The following COL19A1 variants were observed in gnomAD, a reference collection of about 807,000 sequenced individuals.
COL19A1 encodes the protein collagen type XIX alpha 1 chain.
Under a neutral mutation model 190.2 loss-of-function variants are expected in COL19A1, and 159 were observed. The observed-to-expected ratio is 0.84, with a 90% CI of 0.73 to 0.95. COL19A1 has a LOEUF of 0.95. COL19A1 is among the 40% of genes least tolerant of loss of function. The pLI is 0.00. For missense variants in COL19A1, 1,418 were observed against 1,431.9 expected, an observed-to-expected ratio of 0.99 and a Z score of 0.16; for synonymous variants, 509 against 458.9, an observed-to-expected ratio of 1.11 and a Z score of -1.39.
At chr6:70,179,271 A>T (rs1766016406) in intron 42 of COL19A1, among the ~76,000 whole-genome samples, 1 of 152,084 alleles carries the variant, frequency 6.6e-6, no homozygotes, top group Admixed American at 6.5e-5. Context: ...TATTTCTCCA[A>T]AACCTACTTG....
At chr6:69,957,780 A>C (rs1460730579) in intron 9 of COL19A1, among the ~76,000 whole-genome samples, 1 of 152,186 alleles carries the variant, frequency 6.6e-6, no homozygotes, top group Non-Finnish European at 1.5e-5. Context: ...TTATTTTATG[A>C]ATAGAATTAA....
rs552865129 is a variant in COL19A1, at chr6:69,985,404, G to A, written c.1026+22534G>A. Reference sequence around the variant, plus strand: ...ATCCAGAGGTCTATGGTCCAGTGGCGAGTTCAGCAACATTAGCAAAGGGGG... The same window carrying A: ...ATCCAGAGGTCTATGGTCCAGTGGCAAGTTCAGCAACATTAGCAAAGGGGG... On this transcript the variant is annotated intron_variant, in intron 11 of 50. Transcript: ENST00000620364. Among the ~76,000 whole-genome samples, 11 of 152,176 alleles carry A rather than the reference G, an allele frequency of 7.2e-5. No individual in the cohort carries two copies. The South Asian group carries it at 1.0e-3, about 14-fold the overall frequency.
chr6:70,206,958 C>CAAA lies in COL19A1; in HGVS notation c.3282_3283insAAA (p.Pro1094_Gly1095insLys), dbSNP rs748768395. ...CCTGGAATTGGGCTGCCAGGGAGTC[C>CAAA]AGGTCTTCCTGGGACTTCAGGTAAG... On this transcript the variant is annotated inframe_insertion, in exon 50 of 51. Coordinates refer to ENST00000620364, the MANE Select transcript of COL19A1 (RefSeq NM_001858.6). 2.5e-6 allele frequency: 4 copies of CAAA among 1,613,754 alleles called. No homozygotes were observed. Among genetic ancestry groups the CAAA allele is most frequent in the Non-Finnish European group, 3.4e-6 (4 of 1,179,872 alleles).
At chr6:69,913,758 A>C (rs1464177627) in intron 4 of COL19A1, among the ~76,000 whole-genome samples, 2 of 152,156 alleles carry the variant, frequency 1.3e-5, no homozygotes, top group Non-Finnish European at 2.9e-5. Context: ...TATTTTAAAA[A>C]AAAGTGGAGG....
At chr6:69,887,091 T>C (rs1055573666) in intron 2 of COL19A1, among the ~76,000 whole-genome samples, 1 of 152,230 alleles carries the variant, frequency 6.6e-6, no homozygotes, top group African/African-American at 2.4e-5. Flanking sequence ...AAATGATAGG[T>C]TTATTACTTT....
chr6:70,039,211 A>G (rs1354211022), intron 14 of COL19A1, among the ~76,000 whole-genome samples: 3 of 152,202 alleles, frequency 2.0e-5, no homozygotes, highest in East Asian at 1.9e-4. Context: ...GATTTTTCCC[A>G]AGCAGTTCTA....
chr6:70,047,229 CTAAA>C (rs1779963036), intron 14 of COL19A1, among the ~76,000 whole-genome samples: 1 of 152,016 alleles, frequency 6.6e-6, no homozygotes, highest in African/African-American at 2.4e-5. Flanking sequence ...TGTGAGAAAA[CTAAA>C]TACTTAATGT....
rs116442438 is a variant in COL19A1, at chr6:69,876,489, A to G, written c.-32-3047A>G. Reference sequence around the variant, plus strand: ...TGTTTATTAATATGTACAGCAAACAATTATAATATCAGGTACCTTTTGAAT... The same window carrying G: ...TGTTTATTAATATGTACAGCAAACAGTTATAATATCAGGTACCTTTTGAAT... On this transcript the variant is annotated intron_variant, in intron 1 of 50. Coordinates refer to ENST00000620364, the MANE Select transcript of COL19A1 (RefSeq NM_001858.6). Among the ~76,000 whole-genome samples the G allele has an allele frequency of 9.6e-3, 1,453 of 151,678 alleles. 15 individuals carry two copies. The highest frequency in any genetic ancestry group is 0.033 in the African/African-American group (1,356 of 40,936).
intron 34 of COL19A1, among the ~76,000 whole-genome samples, chr6:70,157,570 A>T (rs1286516020): frequency 6.6e-6 from 1 of 152,138 alleles, no homozygotes; most frequent in African/African-American, 2.4e-5. Flanking sequence ...ACCAGTAATC[A>T]TCATGTACTA....
At chr6:70,019,744 T>C (rs1040788617) in intron 11 of COL19A1, among the ~76,000 whole-genome samples, 1 of 152,164 alleles carries the variant, frequency 6.6e-6, no homozygotes, top group Non-Finnish European at 1.5e-5. Context: ...AAATCTTTTC[T>C]GCTTTTCAAC....
intron 9 of COL19A1, among the ~76,000 whole-genome samples, chr6:69,954,316 C>T (rs906437482): frequency 2.4e-4 from 37 of 152,000 alleles, no homozygotes; most frequent in African/African-American, 8.5e-4. Context: ...TGGGGTCTGT[C>T]TCATCTCTAA....
At chr6:69,882,669 A>G (rs1768641885) in intron 2 of COL19A1, among the ~76,000 whole-genome samples, 1 of 152,202 alleles carries the variant, frequency 6.6e-6, no homozygotes, top group Admixed American at 6.5e-5. Flanking sequence ...TTTTCCTTTC[A>G]TTATGATAAA....
At chr6:69,931,120 A>G (rs950645360) in intron 6 of COL19A1, among the ~76,000 whole-genome samples, 1 of 152,288 alleles carries the variant, frequency 6.6e-6, no homozygotes, top group Non-Finnish European at 1.5e-5. Flanking sequence ...AAGATCTGTT[A>G]TGGTGTGAAA....
chr6:70,008,805 A>G (rs1401294748), intron 11 of COL19A1, among the ~76,000 whole-genome samples: 1 of 151,866 alleles, frequency 6.6e-6, no homozygotes, highest in Non-Finnish European at 1.5e-5. Flanking sequence ...CACTTAACAA[A>G]TATTAGCAAA....
At position 69,941,482 on chromosome 6, in the gene COL19A1, T is replaced by C. The variant is rs570604524; in HGVS notation, c.936+3382T>C. Among the ~76,000 whole-genome samples the C allele has an allele frequency of 2.8e-3, 424 of 152,294 alleles. 1 individual carries two copies. The highest frequency in any genetic ancestry group is 0.017 in the Middle Eastern group (5 of 294). On this transcript the variant is annotated intron_variant, in intron 9 of 50. Coordinates refer to ENST00000620364, the MANE Select transcript of COL19A1 (RefSeq NM_001858.6). ...GATGAAGAACAAAGGAATCTTCATT[T>C]GTGAGATACTGCCTTAGAATTTTCA...
chr6:70,070,825 A>C (rs981360016), intron 15 of COL19A1, among the ~76,000 whole-genome samples: 4 of 152,124 alleles, frequency 2.6e-5, no homozygotes, highest in Non-Finnish European at 5.9e-5. Flanking sequence ...AGCTAAGACC[A>C]ATAATTTTTC....
intron 34 of COL19A1, among the ~76,000 whole-genome samples, chr6:70,158,304 A>G (rs1466249082): frequency 6.6e-6 from 1 of 152,010 alleles, no homozygotes; most frequent in Non-Finnish European, 1.5e-5. Flanking sequence ...TAAAACTTTG[A>G]CCAAAAACAA....
At chr6:70,042,761 T>C (rs1779694476) in intron 14 of COL19A1, among the ~76,000 whole-genome samples, 1 of 152,334 alleles carries the variant, frequency 6.6e-6, no homozygotes, top group Admixed American at 6.5e-5. Flanking sequence ...CAACTAAATA[T>C]ATATAATATT....
chr6:70,144,836 T>C, intron 24 of COL19A1, 82 bp from the exon 25 acceptor site: 1 of 868,804 alleles, frequency 1.2e-6, no homozygotes, highest in Non-Finnish European at 1.8e-6. Flanking sequence ...GATGACAACT[T>C]AAAACAATGG....
Sources: allele counts gnomAD v4.1 joint callset (sites outside exome capture counted in the v4.1 genomes callset), GRCh38; gene constraint gnomAD v4.1.1; transcripts MANE v1.5; gene names NCBI Gene and HGNC (gene_info 2026-07-23, HGNC 2026-07-21).